CS: variants seen among roughly 807,000 people sequenced by gnomAD.
The protein encoded by CS is citrate synthase, mitochondrial.
Under a neutral mutation model 61.4 loss-of-function variants are expected in CS, and 13 were observed. The observed-to-expected ratio is 0.21, with a 90% CI of 0.14 to 0.34. CS has a LOEUF of 0.34. CS is among the 10% of genes least tolerant of loss of function. The pLI is 1.00. For synonymous variants in CS, 159 were observed against 215.2 expected, an observed-to-expected ratio of 0.74 and a Z score of 2.29; for missense variants, 278 against 573.4, an observed-to-expected ratio of 0.48 and a Z score of 5.26.
chr12:56,276,816 A>G (rs187252040), intron 6 of CS, among the ~76,000 whole-genome samples: 292 of 152,292 alleles, frequency 1.9e-3, no homozygotes, highest in African/African-American at 6.2e-3. Context: ...TGCTGGGATT[A>G]TAGGTGTGAG....
At chr12:56,291,164 C>A in intron 1 of CS, 1 of 890,194 alleles carries the variant, frequency 1.1e-6, no homozygotes. Flanking sequence ...GTGCTTTGTG[C>A]ATAGCTGAAT....
chr12:56,276,095 A>G lies in CS; in HGVS notation c.689T>C (p.Ile230Thr). ...LYREGSGIGA[I>T]DSNLDWSHNF... is the part of the protein sequence containing the mutation. ...GTGAGACCAGTCCAGGTTAGAGTCAATGGCCCCAATACCGCTGCCTTCTCT... is the reference window on the plus strand; with the variant it reads ...GTGAGACCAGTCCAGGTTAGAGTCAGTGGCCCCAATACCGCTGCCTTCTCT... The change falls in exon 7 of 11, where the codon ATT (isoleucine) becomes ACT (threonine). Residue 230 changes from isoleucine (I) to threonine (T), a missense_variant. By Grantham distance (89) the Ile-to-Thr change is moderately conservative. Transcript: ENST00000351328. The G allele has an allele frequency of 1.9e-6, 3 of 1,614,198 alleles. No homozygotes were observed. The highest frequency in any genetic ancestry group is 2.5e-6 in the Non-Finnish European group (3 of 1,180,034).
Position 56,280,425 on chromosome 12 carries a change from C to CAAA in CS, c.588+1992_588+1994dup, listed in dbSNP as rs368203816. On this transcript the variant is annotated intron_variant, in intron 6 of 10. Coordinates refer to ENST00000351328, the MANE Select transcript of CS (RefSeq NM_004077.3). The stretch of plus-strand genomic sequence containing the variant: ...GCAAGACACCGTCTCCCAAAAAAAA[C>CAAA]AAAAAAAAAAAACAAAAAAATTAGC... Among the ~76,000 whole-genome samples the CAAA allele has an allele frequency of 4.6e-4, 55 of 118,786 alleles. 5 individuals carry two copies. Among genetic ancestry groups the CAAA allele is most frequent in the Non-Finnish European group, 7.3e-4 (44 of 60,680 alleles). The allele number at this position is 118,786 out of a possible 152,430, so 77.9% of individuals were successfully genotyped here.
At chr12:56,277,553 T>C (rs1872659029) in intron 6 of CS, among the ~76,000 whole-genome samples, 1 of 151,902 alleles carries the variant, frequency 6.6e-6, no homozygotes, top group African/African-American at 2.4e-5. Flanking sequence ...TGTTCCATCT[T>C]TCAAAGAAAA....
chr12:56,276,602 C>T (rs982919377), intron 6 of CS, among the ~76,000 whole-genome samples: 6 of 152,128 alleles, frequency 3.9e-5, no homozygotes, highest in South Asian at 2.1e-4. Flanking sequence ...AGTGCAATGG[C>T]GCAATCTTAG....
At chr12:56,295,951 CAAAAAAAAAAAAAAAAA>C (rs71081343) in intron 1 of CS, among the ~76,000 whole-genome samples, 65 of 40,516 alleles carry the variant, frequency 1.6e-3, no homozygotes, top group Admixed American at 6.1e-3. Flanking sequence ...GAAACTGTCT[CAAAAAAAAAAAAAAAAA>C]AAAAAAAAAA....
chr12:56,295,488 T>C (rs545097438), intron 1 of CS, among the ~76,000 whole-genome samples: 39 of 151,590 alleles, frequency 2.6e-4, no homozygotes, highest in Middle Eastern at 3.4e-3. Flanking sequence ...ACCACTGCAC[T>C]CCAGCCTGGG....
chr12:56,290,946 C>T (rs1873102351), intron 1 of CS, among the ~76,000 whole-genome samples: 1 of 152,136 alleles, frequency 6.6e-6, no homozygotes, highest in Non-Finnish European at 1.5e-5. Flanking sequence ...GGGCCTCAGA[C>T]TTACTGAATC....
chr12:56,280,103 C>T (rs972653566), intron 6 of CS, among the ~76,000 whole-genome samples: 1 of 151,410 alleles, frequency 6.6e-6, no homozygotes, highest in African/African-American at 2.4e-5. Flanking sequence ...ACCAGCCTAG[C>T]CAACATGGTG....
intron 9 of CS, chr12:56,274,511 G>A (rs1412561074): frequency 1.6e-5 from 5 of 313,336 alleles, no homozygotes; most frequent in Non-Finnish European, 2.3e-5. Flanking sequence ...GGAGTGTAGT[G>A]GCTATTCACA....
At chr12:56,285,417 G>C (rs949629423) in intron 3 of CS, among the ~76,000 whole-genome samples, 4 of 152,086 alleles carry the variant, frequency 2.6e-5, no homozygotes. Flanking sequence ...CCAGTAGCTG[G>C]GACTACAGGG....
chr12:56,285,580 G>A (rs1310593453), intron 3 of CS, among the ~76,000 whole-genome samples: 4 of 152,112 alleles, frequency 2.6e-5, no homozygotes, highest in African/African-American at 9.7e-5. Flanking sequence ...GAGCCATTGC[G>A]CCCTCTGTTT....
Position 56,277,697 on chromosome 12 carries a change from C to G in CS, c.589-1502G>C, listed in dbSNP as rs975449591. On this transcript the variant is annotated intron_variant, in intron 6 of 10. Transcript: ENST00000351328. Reference sequence around the variant, plus strand: ...CGAGGCTGGAGTACAGTGGCGCGATCTCGGCTCACTGCAAGCTCCGCCTCC... The same window carrying G: ...CGAGGCTGGAGTACAGTGGCGCGATGTCGGCTCACTGCAAGCTCCGCCTCC... Among the ~76,000 whole-genome samples the G allele has an allele frequency of 2.1e-5, 3 of 140,658 alleles. No homozygotes were observed. In the Admixed American group the frequency reaches 2.2e-4, roughly 11 times the overall value. The allele number at this position is 140,658 out of a possible 152,430, so 92.3% of individuals were successfully genotyped here.
intron 7 of CS, 119 bp from the exon 8 acceptor site, chr12:56,275,250 C>G: frequency 8.3e-7 from 1 of 1,206,940 alleles, no homozygotes; most frequent in Non-Finnish European, 1.2e-6. Context: ...AGCCTATAGC[C>G]AGTCAGTTAT....
In CS at chr12:56,280,433, A is replaced by C. The variant is rs1305589384; in HGVS notation, c.588+1987T>G. ...CCGTCTCCCAAAAAAAACAAAAAAAAAAAACAAAAAAATTAGCCAGGAGTG... is the reference window on the plus strand; with the variant it reads ...CCGTCTCCCAAAAAAAACAAAAAAACAAAACAAAAAAATTAGCCAGGAGTG... On this transcript the variant is annotated intron_variant, in intron 6 of 10. Coordinates refer to ENST00000351328, the MANE Select transcript of CS (RefSeq NM_004077.3). 1.2e-3 allele frequency among the ~76,000 whole-genome samples: 184 copies of C among 147,798 alleles called. 7 individuals are homozygous for C. The highest frequency in any genetic ancestry group is 4.2e-3 in the African/African-American group (172 of 40,608).
chr12:56,283,851 C>T lies in CS; in HGVS notation c.208G>A (p.Gly70Ser). Reference protein sequence around the residue: ...VGQITVDMMYGGMRGMKGLVY... With the variant: ...VGQITVDMMYSGMRGMKGLVY... ...AATCCCTTCATGCCTCTCATGCCAC[C>T]ATACATCTAAAGAGGATGAAGAAAG... Residue 70 changes from glycine to serine, a missense_variant, in exon 4 of 11, where the codon GGT becomes AGT. Gly to Ser is a moderately conservative substitution (Grantham distance 56). This residue lies in a region of CS where 223 missense variants were observed against 503.5 expected (regional missense o/e 0.44). Transcript: ENST00000351328. 1.2e-6 allele frequency: 2 copies of T among 1,610,784 alleles called. No individual in the cohort carries two copies. The highest frequency in any genetic ancestry group is 2.2e-5 in the South Asian group (2 of 90,932).
At chr12:56,280,437 A>AAAAAC (rs1555162647) in intron 6 of CS, among the ~76,000 whole-genome samples, 7 of 144,280 alleles carry the variant, frequency 4.9e-5, no homozygotes, top group East Asian at 2.0e-4. Context: ...AAAAAAAAAA[A>AAAAAC]CAAAAAAATT....
intron 3 of CS, among the ~76,000 whole-genome samples, 198 bp from the exon 4 acceptor site, chr12:56,284,055 T>TGACA (rs1288572794): frequency 6.6e-6 from 1 of 152,000 alleles, no homozygotes; most frequent in African/African-American, 2.4e-5. Flanking sequence ...GCACAGTGGC[T>TGACA]GACACCTGTA....
chr12:56,281,370 A>G (rs1872772071), intron 6 of CS, among the ~76,000 whole-genome samples: 1 of 152,194 alleles, frequency 6.6e-6, no homozygotes, highest in African/African-American at 2.4e-5. Context: ...ACTATTAAGG[A>G]CACTTTTCAT....
Sources: allele counts gnomAD v4.1 joint callset (sites outside exome capture counted in the v4.1 genomes callset), GRCh38; gene constraint gnomAD v4.1.1; regional missense constraint gnomAD v4.1.1; transcripts MANE v1.5; gene names NCBI Gene and HGNC (gene_info 2026-07-23, HGNC 2026-07-21).